CEBPZ: variants seen among roughly 807,000 people sequenced by gnomAD.
CEBPZ encodes the protein CCAAT enhancer binding protein zeta, also known as CCAAT/enhancer-binding protein zeta.
Under a neutral mutation model 104.5 loss-of-function variants are expected in CEBPZ, and 78 were observed. That is an observed-to-expected ratio of 0.75 (90% CI 0.62 to 0.90). The LOEUF (loss-of-function observed/expected upper bound fraction) is 0.90. Ranked by LOEUF, CEBPZ falls within the 40% of genes least tolerant of loss-of-function variation. The pLI is 0.00. For missense variants in CEBPZ, 1,439 were observed against 1,233.5 expected (o/e 1.17, Z -2.50); for synonymous variants, 470 against 427.0 (o/e 1.10, Z -1.24).
chr2:37,211,026 C>T lies in CEBPZ; in HGVS notation c.2857G>A (p.Asp953Asn). ...TGAAATGAGCCAGCAAAGTCAAAATCATCTGTACCTTTTCTCTTGCTTTTC... is the reference window on the plus strand; with the variant it reads ...TGAAATGAGCCAGCAAAGTCAAAATTATCTGTACCTTTTCTCTTGCTTTTC... ...TKKSKRKGTDDFDFAGSFQGP... is the reference protein window; with the variant it reads ...TKKSKRKGTDNFDFAGSFQGP... The change falls in exon 13 of 16, where the codon GAT becomes AAT. Residue 953 changes from aspartate to asparagine, a missense_variant. By Grantham distance (23) the Asp-to-Asn change is conservative (BLOSUM62 1). Coordinates refer to ENST00000234170, the MANE Select transcript of CEBPZ (RefSeq NM_005760.3). 1.9e-6 allele frequency: 3 copies of T among 1,611,232 alleles called. No individual in the cohort carries two copies. Among genetic ancestry groups the T allele is most frequent in the Non-Finnish European group, 2.5e-6 (3 of 1,178,806 alleles).
intron 13 of CEBPZ, chr2:37,203,649 C>T (rs1677395277): frequency 6.6e-6 from 1 of 152,178 alleles, no homozygotes; most frequent in African/African-American, 2.4e-5. Flanking sequence ...AATTTACAGA[C>T]TTGTTCAACC....
intron 15 of CEBPZ, chr2:37,202,131 A>G (rs1477748274): frequency 3.0e-6 from 1 of 334,800 alleles, no homozygotes; most frequent in African/African-American, 2.1e-5. Context: ...AATGCTCTAA[A>G]GATTTTCTCT....
intron 8 of CEBPZ, chr2:37,215,666 C>T (rs17020316): frequency 0.023 from 3,496 of 153,770 alleles, 64 homozygotes; most frequent in Middle Eastern, 0.056. Flanking sequence ...CAACAACAGA[C>T]TCAGATCCAG....
intron 1 of CEBPZ, among the ~76,000 whole-genome samples, chr2:37,230,279 C>G (rs554564140): frequency 3.3e-5 from 5 of 152,052 alleles, no homozygotes; most frequent in Non-Finnish European, 7.4e-5. Context: ...AAAAGATACA[C>G]CCGTATTTCA....
Position 37,228,235 on chromosome 2 carries a change from T to C in CEBPZ, c.958A>G (p.Ser320Gly). 6.2e-7 allele frequency: 1 copy of C among 1,614,238 alleles called. No individual in the cohort carries two copies. Among genetic ancestry groups the C allele is most frequent in the South Asian group, 1.1e-5 (1 of 91,080 alleles). ...RPFDKLEQLSSGNKDSRDRRL... is the reference protein window; with the variant it reads ...RPFDKLEQLSGGNKDSRDRRL... ...CTATCTCTTGAGTCCTTGTTGCCAC[T>C]GGACAACTGTTCCAGTTTGTCAAAA... Residue 320 changes from serine to glycine, a missense_variant, in exon 2 of 16, where the codon AGT (serine) becomes GGT (glycine). Ser to Gly is a moderately conservative substitution (Grantham distance 56). Transcript: ENST00000234170.
chr2:37,215,246 A>G (rs1677840891), intron 8 of CEBPZ: 1 of 237,066 alleles, frequency 4.2e-6, no homozygotes. Flanking sequence ...TGCATCCAGG[A>G]CCCAACTTTC....
intron 13 of CEBPZ, among the ~76,000 whole-genome samples, chr2:37,207,475 C>T (rs918691546): frequency 5.3e-5 from 8 of 152,214 alleles, no homozygotes; most frequent in African/African-American, 7.2e-5. Context: ...CAGTGGAATA[C>T]AATTGGAAAT....
At chr2:37,220,509 C>A (rs770435277) in intron 4 of CEBPZ, 36 bp from the exon 5 acceptor site, 2 of 1,131,936 alleles carry the variant, frequency 1.8e-6, no homozygotes, top group Non-Finnish European at 2.6e-6. Flanking sequence ...TTCTCAAATG[C>A]TTTCTTCCTA....
intron 4 of CEBPZ, among the ~76,000 whole-genome samples, chr2:37,221,945 GTT>G (rs900623232): frequency 2.0e-5 from 3 of 152,026 alleles, no homozygotes; most frequent in Admixed American, 2.0e-4. Context: ...ACCACTTAAC[GTT>G]TCTATCTTGA....
chr2:37,214,091 G>T, intron 9 of CEBPZ, 130 bp from the exon 10 acceptor site: 2 of 476,532 alleles, frequency 4.2e-6, no homozygotes, highest in Non-Finnish European at 7.3e-6. Context: ...GGAAATAAAT[G>T]ACTGAAATTT....
chr2:37,212,939 T>C (rs1677773892), intron 10 of CEBPZ, among the ~76,000 whole-genome samples: 2 of 150,552 alleles, frequency 1.3e-5, no homozygotes, highest in African/African-American at 4.9e-5. Flanking sequence ...CCCGTGGGGC[T>C]GAGGCAGGAA....
Position 37,231,134 on chromosome 2 carries a change from C to G in CEBPZ, c.156+278G>C, listed in dbSNP as rs184782607. The stretch of plus-strand genomic sequence containing the variant: ...GTCAGGACCAAGAAAAGCCACTCTC[C>G]GACCTGATGGTGTGATGGTTATACC... On this transcript the variant is annotated intron_variant, in intron 1 of 15. Transcript: ENST00000234170. 37 of 589,892 alleles carry G rather than the reference C, an allele frequency of 6.3e-5. No homozygotes were observed. The East Asian group carries it at 1.4e-3, about 22-fold the overall frequency. 36.5% of individuals were successfully genotyped at this position (589,892 alleles called of 1,614,324 possible).
intron 10 of CEBPZ, among the ~76,000 whole-genome samples, chr2:37,212,843 A>T (rs573190452): frequency 3.6e-3 from 542 of 149,746 alleles, no homozygotes; most frequent in African/African-American, 0.013. Flanking sequence ...ATTAAAAAAA[A>T]AAAAAAAACA....
At chr2:37,202,073 C>A in intron 15 of CEBPZ, 170 bp from the exon 16 acceptor site, 2 of 423,158 alleles carry the variant, frequency 4.7e-6, no homozygotes, top group African/African-American at 2.0e-5. Flanking sequence ...TATTTATTGT[C>A]AAAGATAAAT....
At chr2:37,226,891 T>A (rs1664898503) in intron 2 of CEBPZ, among the ~76,000 whole-genome samples, 1 of 151,604 alleles carries the variant, frequency 6.6e-6, no homozygotes, top group Non-Finnish European at 1.5e-5. Context: ...GTAAAGAAAA[T>A]CTTCATCTCC....
intron 2 of CEBPZ, among the ~76,000 whole-genome samples, chr2:37,226,795 C>G (rs939127007): frequency 1.3e-5 from 2 of 152,130 alleles, no homozygotes; most frequent in East Asian, 3.8e-4. Context: ...AACACAGTTG[C>G]TATGTTCGAC....
At chr2:37,205,669 C>A (rs2148338385) in intron 13 of CEBPZ, among the ~76,000 whole-genome samples, 1 of 152,272 alleles carries the variant, frequency 6.6e-6, no homozygotes, top group African/African-American at 2.4e-5. Flanking sequence ...TTTAACTTTG[C>A]AGATCTATTT....
chr2:37,204,824 T>G (rs1677475776), intron 13 of CEBPZ: 1 of 152,254 alleles, frequency 6.6e-6, no homozygotes. Flanking sequence ...AGATCTGAAA[T>G]CCTTTCAGGC....
chr2:37,213,753 T>G, intron 10 of CEBPZ, 111 bp downstream of exon 10: 1 of 698,504 alleles, frequency 1.4e-6, no homozygotes, highest in Non-Finnish European at 2.4e-6. Context: ...TTGCATGATA[T>G]TCTTAGCTAA....
Sources: allele counts gnomAD v4.1 joint callset (sites outside exome capture counted in the v4.1 genomes callset), GRCh38; gene constraint gnomAD v4.1.1; transcripts MANE v1.5; gene names NCBI Gene and HGNC (gene_info 2026-07-23, HGNC 2026-07-21).